Variants in EBF2 observed in about 807,000 individuals in gnomAD.
EBF2 encodes the protein transcription factor COE2.
In EBF2, 21 loss-of-function variants were observed where a neutral mutation model predicts 72.8. That is an observed-to-expected ratio of 0.29 (90% CI 0.20 to 0.42). The LOEUF (loss-of-function observed/expected upper bound fraction) is 0.42, where lower values mean the gene tolerates loss of function less well. Ranked by LOEUF, EBF2 falls within the 10% of genes least tolerant of loss-of-function variation. The pLI is 1.00. For synonymous variants in EBF2, 299 were observed against 274.2 expected (o/e 1.09, Z -0.89); for missense variants, 637 against 731.2 (o/e 0.87, Z 1.49).
chr8:25,959,000 T>C (rs973528347), intron 6 of EBF2, among the ~76,000 whole-genome samples: 3 of 152,194 alleles, frequency 2.0e-5, no homozygotes, highest in African/African-American at 7.2e-5. Flanking sequence ...ACGAGGGCTT[T>C]GGGAACCTCA....
rs909283979 is a variant in EBF2 at position 25,862,780 on chromosome 8, T to C, written c.1027A>G (p.Ile343Val). 1.9e-6 allele frequency: 3 copies of C among 1,595,196 alleles called. No homozygotes were observed. Among genetic ancestry groups the C allele is most frequent in the African/African-American group, 1.3e-5 (1 of 74,626 alleles). The change falls in exon 11 of 16, where the codon ATA (isoleucine) becomes GTA (valine). Residue 343 changes from isoleucine to valine, a missense_variant. Physicochemically the swap from Ile to Val is conservative, Grantham distance 29. This residue lies in a region of EBF2 where 204 missense variants were observed against 301.2 expected (regional missense o/e 0.68). Transcript: ENST00000520164. ...FIYTALNEPT[I>V]DYGFQRLQKV... Reference sequence around the variant, plus strand: ...TGCAGTCTCTGGAAGCCATAGTCTATGGTGGGTTCATTTAATGCTGAAAGA... The same window carrying C: ...TGCAGTCTCTGGAAGCCATAGTCTACGGTGGGTTCATTTAATGCTGAAAGA...
At chr8:25,923,077 G>A (rs780214744) in intron 6 of EBF2, among the ~76,000 whole-genome samples, 1 of 152,182 alleles carries the variant, frequency 6.6e-6, no homozygotes, top group Non-Finnish European at 1.5e-5. Context: ...CAGGACTCAA[G>A]TGAGCAGCAG....
chr8:25,861,247 G>A lies in EBF2; in HGVS notation c.1165-21C>T, dbSNP rs933003085. The A allele has an allele frequency of 1.9e-6, 3 of 1,613,358 alleles. No individual in the cohort carries two copies. In the African/African-American group the frequency reaches 4.0e-5, roughly 22 times the overall value. ...ATGTCCTACAAAACAACAGGTTAAT[G>A]TGAGCATTCTATCCAGCATAAAGTG... is the stretch of plus-strand genomic sequence containing the variant. On this transcript the variant is annotated intron_variant, in intron 12 of 15. Transcript: ENST00000520164.
intron 10 of EBF2, among the ~76,000 whole-genome samples, chr8:25,872,362 G>A (rs181881679): frequency 3.9e-5 from 6 of 152,252 alleles, no homozygotes; most frequent in East Asian, 1.9e-4. Flanking sequence ...GGATGTTGGC[G>A]GATCACACTG....
intron 6 of EBF2, among the ~76,000 whole-genome samples, chr8:26,001,330 G>T (rs1804723001): frequency 6.6e-6 from 1 of 152,186 alleles, no homozygotes; most frequent in Non-Finnish European, 1.5e-5. Flanking sequence ...GACAGAGGAA[G>T]AAAGAGAGGT....
chr8:25,932,296 ATTT>A (rs908479090), intron 6 of EBF2, among the ~76,000 whole-genome samples: 9 of 151,630 alleles, frequency 5.9e-5, no homozygotes, highest in Non-Finnish European at 1.3e-4. Flanking sequence ...CTCTTCAACC[ATTT>A]TTTTAACTAG....
chr8:25,940,938 G>T (rs1803659856), intron 6 of EBF2, among the ~76,000 whole-genome samples: 1 of 152,052 alleles, frequency 6.6e-6, no homozygotes, highest in Non-Finnish European at 1.5e-5. Flanking sequence ...TATTTGCAAG[G>T]CTGACAGCAG....
intron 5 of EBF2, among the ~76,000 whole-genome samples, chr8:26,033,445 G>T (rs1805442036): frequency 6.6e-6 from 1 of 152,180 alleles, no homozygotes. Flanking sequence ...GGCCAGGCTG[G>T]TCTTGAACTC....
At chr8:25,976,775 G>T (rs1454768083) in intron 6 of EBF2, among the ~76,000 whole-genome samples, 2 of 152,150 alleles carry the variant, frequency 1.3e-5, no homozygotes, top group East Asian at 3.9e-4. Flanking sequence ...ATAAAGATTG[G>T]CCTTTTCCCG....
chr8:25,852,509 C>G (rs1189388223), intron 14 of EBF2, among the ~76,000 whole-genome samples: 1 of 152,096 alleles, frequency 6.6e-6, no homozygotes, highest in Non-Finnish European at 1.5e-5. Flanking sequence ...ATGAGGCATT[C>G]ACACACACTC....
intron 7 of EBF2, among the ~76,000 whole-genome samples, chr8:25,903,660 G>A (rs1199903317): frequency 6.6e-6 from 1 of 152,166 alleles, no homozygotes; most frequent in African/African-American, 2.4e-5. Flanking sequence ...TCGCGCCACT[G>A]CACTCCAGCC....
At chr8:25,908,581 A>ATT (rs34200265) in intron 6 of EBF2, 26 bp from the exon 7 acceptor site, 4 of 1,447,110 alleles carry the variant, frequency 2.8e-6, no homozygotes, top group Admixed American at 1.8e-5. Context: ...GATGTGTTAC[A>ATT]TTTTTCAGTA....
At chr8:25,890,790 G>T (rs963598576) in intron 7 of EBF2, among the ~76,000 whole-genome samples, 1 of 152,234 alleles carries the variant, frequency 6.6e-6, no homozygotes, top group Non-Finnish European at 1.5e-5. Flanking sequence ...GATTAGGGAT[G>T]CTCAACCAGT....
At chr8:26,028,083 C>G (rs1009737736) in intron 6 of EBF2, among the ~76,000 whole-genome samples, 9 of 152,092 alleles carry the variant, frequency 5.9e-5, no homozygotes, top group African/African-American at 1.4e-4. Context: ...TTCATGCCAC[C>G]AAACTACACA....
At chr8:25,946,973 C>G (rs1251440354) in intron 6 of EBF2, among the ~76,000 whole-genome samples, 1 of 152,170 alleles carries the variant, frequency 6.6e-6, no homozygotes, top group African/African-American at 2.4e-5. Context: ...ACAAATATCC[C>G]TAATACAATA....
chr8:25,876,120 G>T (rs541266117), intron 10 of EBF2, among the ~76,000 whole-genome samples: 2 of 152,190 alleles, frequency 1.3e-5, no homozygotes, highest in Non-Finnish European at 2.9e-5. Flanking sequence ...CAGGGACATG[G>T]ATGAAGCTGG....
chr8:26,042,089 G>A lies in EBF2; in HGVS notation c.288+6C>T. Reference sequence around the variant, plus strand: ...CCGCGGGGTTTGGGGGGTACTTTCCGCTTACTTTGTCATTCTCCACAAAGT... The same window carrying A: ...CCGCGGGGTTTGGGGGGTACTTTCCACTTACTTTGTCATTCTCCACAAAGT... On this transcript the variant is annotated splice_donor_region_variant and intron_variant, in intron 2 of 15. Transcript: ENST00000520164. 6.2e-7 allele frequency: 1 copy of A among 1,612,894 alleles called. No homozygotes were observed. The highest frequency in any genetic ancestry group is 8.5e-7 in the Non-Finnish European group (1 of 1,179,114).
intron 6 of EBF2, among the ~76,000 whole-genome samples, chr8:25,968,507 G>A (rs927331671): frequency 6.6e-6 from 1 of 152,154 alleles, no homozygotes; most frequent in Non-Finnish European, 1.5e-5. Context: ...AAAGCAGAAT[G>A]GTGGTTGCCA....
intron 6 of EBF2, among the ~76,000 whole-genome samples, chr8:25,995,686 G>T (rs916686397): frequency 6.6e-6 from 1 of 151,946 alleles, no homozygotes; most frequent in Non-Finnish European, 1.5e-5. Flanking sequence ...AAAATTATAT[G>T]TAAAAAGATG....
Sources: allele counts gnomAD v4.1 joint callset (sites outside exome capture counted in the v4.1 genomes callset), GRCh38; gene constraint gnomAD v4.1.1; regional missense constraint gnomAD v4.1.1; transcripts MANE v1.5; gene names NCBI Gene and HGNC (gene_info 2026-07-23, HGNC 2026-07-21).